ZDHHC14: variants seen among roughly 807,000 people sequenced by gnomAD.
The protein encoded by ZDHHC14 is palmitoyltransferase ZDHHC14.
In ZDHHC14, 16 loss-of-function variants were observed where a neutral mutation model predicts 47.7. The observed-to-expected ratio is 0.34, with a 90% CI of 0.23 to 0.51. ZDHHC14 has a LOEUF of 0.51. ZDHHC14 is among the 20% of genes least tolerant of loss of function. ZDHHC14 has a pLI of 0.97. For synonymous variants in ZDHHC14, 293 were observed against 278.9 expected (o/e 1.05, Z -0.50); for missense variants, 515 against 662.5 (o/e 0.78, Z 2.44).
At chr6:157,650,068 T>G (rs1317704630) in intron 7 of ZDHHC14, among the ~76,000 whole-genome samples, 141 of 98,906 alleles carry the variant, frequency 1.4e-3, no homozygotes, top group African/African-American at 2.6e-3. Flanking sequence ...CCAGGCGCTG[T>G]GGGTGCACGG....
chr6:157,446,155 G>A (rs1402105675), intron 1 of ZDHHC14, among the ~76,000 whole-genome samples: 1 of 151,982 alleles, frequency 6.6e-6, no homozygotes, highest in Non-Finnish European at 1.5e-5. Flanking sequence ...TATGTTAAGG[G>A]ACAATTGGCA....
chr6:157,494,155 A>C (rs1779999890), intron 1 of ZDHHC14, among the ~76,000 whole-genome samples: 1 of 152,196 alleles, frequency 6.6e-6, no homozygotes, highest in African/African-American at 2.4e-5. Flanking sequence ...AGCGGGTTGG[A>C]CTTGATCACC....
intron 1 of ZDHHC14, among the ~76,000 whole-genome samples, chr6:157,395,651 G>A (rs1450876741): frequency 6.6e-6 from 1 of 152,096 alleles, no homozygotes; most frequent in Non-Finnish European, 1.5e-5. Context: ...AAAATTAGCC[G>A]GACGTGGTGG....
chr6:157,568,005 A>C (rs2114852122), intron 2 of ZDHHC14, among the ~76,000 whole-genome samples: 1 of 152,288 alleles, frequency 6.6e-6, no homozygotes, highest in South Asian at 2.1e-4. Context: ...AGAGCTTCAG[A>C]GTGAAGTAAG....
intron 2 of ZDHHC14, among the ~76,000 whole-genome samples, chr6:157,576,272 G>T (rs1008854053): frequency 2.0e-5 from 3 of 152,314 alleles, no homozygotes; most frequent in Admixed American, 2.0e-4. Flanking sequence ...AGAAAAAGCT[G>T]CTGCAATATA....
rs144507379 is a variant in ZDHHC14 at position 157,493,641 on chromosome 6, A to G, written c.246-48944A>G. Among the ~76,000 whole-genome samples, 954 of 152,370 alleles carry G rather than the reference A, an allele frequency of 6.3e-3. 8 individuals carry two copies. The highest frequency in any genetic ancestry group is 0.022 in the African/African-American group (921 of 41,594). On this transcript the variant is annotated intron_variant, in intron 1 of 8. Transcript: ENST00000359775. The stretch of plus-strand genomic sequence containing the variant: ...TGACAGTGGGATGGACACCATCAGG[A>G]TGGGTGCTGTGTGGGCACAGCCCTG...
chr6:157,577,886 A>G (rs1305026138), intron 2 of ZDHHC14, among the ~76,000 whole-genome samples: 1 of 152,168 alleles, frequency 6.6e-6, no homozygotes, highest in Non-Finnish European at 1.5e-5. Flanking sequence ...AATAATAGCC[A>G]TTCTGCTGTG....
At chr6:157,477,772 T>C (rs1779528429) in intron 1 of ZDHHC14, among the ~76,000 whole-genome samples, 1 of 152,224 alleles carries the variant, frequency 6.6e-6, no homozygotes, top group Admixed American at 6.5e-5. Flanking sequence ...ACAGCCACAA[T>C]ATTTATTTAT....
intron 1 of ZDHHC14, among the ~76,000 whole-genome samples, chr6:157,508,322 C>T (rs762245190): frequency 1.3e-5 from 2 of 152,138 alleles, no homozygotes; most frequent in Non-Finnish European, 2.9e-5. Context: ...TTCTCTCTAT[C>T]TGAAACTTCT....
At chr6:157,667,960 G>A (rs1030614642) in intron 8 of ZDHHC14, among the ~76,000 whole-genome samples, 7 of 152,162 alleles carry the variant, frequency 4.6e-5, no homozygotes, top group Non-Finnish European at 8.8e-5. Context: ...CTCTGTCCAC[G>A]CCAGTGCTCT....
rs768063106 is a variant in ZDHHC14 at position 157,536,819 on chromosome 6, C to CTTTTTTTTTTTTTTTTTTTTT, written c.246-5749_246-5748insTTTTTTTTTTTTTTTTTTTTT. On this transcript the variant is annotated intron_variant, in intron 1 of 8. Transcript: ENST00000359775. ...TCTGTCTATCTATCCCTCCATCTAT[C>CTTTTTTTTTTTTTTTTTTTTT]TTTTTTTTTTTTTTTTTGAGACAGA... Among the ~76,000 whole-genome samples, 37 of 97,976 alleles carry CTTTTTTTTTTTTTTTTTTTTT rather than the reference C, an allele frequency of 3.8e-4. 9 individuals are homozygous for CTTTTTTTTTTTTTTTTTTTTT. Among genetic ancestry groups the CTTTTTTTTTTTTTTTTTTTTT allele is most frequent in the African/African-American group, 1.7e-3 (27 of 15,634 alleles). The allele number at this position is 97,976 out of a possible 152,430, so 64.3% of individuals were successfully genotyped here. A position where few individuals can be genotyped will look rare whatever the true frequency, so the allele number is the denominator to read the frequency against.
intron 1 of ZDHHC14, among the ~76,000 whole-genome samples, chr6:157,458,062 C>G (rs1778970798): frequency 6.6e-6 from 1 of 152,248 alleles, no homozygotes; most frequent in African/African-American, 2.4e-5. Context: ...ATCCCATACT[C>G]TCAGGCGGAT....
intron 1 of ZDHHC14, among the ~76,000 whole-genome samples, chr6:157,418,386 G>A (rs1301706572): frequency 3.9e-5 from 6 of 152,206 alleles, no homozygotes; most frequent in Admixed American, 3.9e-4. Flanking sequence ...ACTCCTACAG[G>A]CATGAACGAG....
intron 1 of ZDHHC14, among the ~76,000 whole-genome samples, chr6:157,490,469 G>A (rs566421296): frequency 9.9e-5 from 15 of 152,124 alleles, no homozygotes; most frequent in Non-Finnish European, 2.1e-4. Flanking sequence ...CTCTAATTAG[G>A]GAGGCAAGGT....
At chr6:157,655,259 G>A (rs780327347) in intron 8 of ZDHHC14, among the ~76,000 whole-genome samples, 5 of 152,176 alleles carry the variant, frequency 3.3e-5, no homozygotes, top group Admixed American at 6.5e-5. Context: ...TTCAGGGCGC[G>A]TGGTGGTCAG....
intron 1 of ZDHHC14, among the ~76,000 whole-genome samples, chr6:157,484,319 A>AGTGTG (rs1779714574): frequency 2.9e-5 from 2 of 70,164 alleles, no homozygotes; most frequent in Admixed American, 4.1e-4. Context: ...ATATATACAC[A>AGTGTG]TATATATACG....
At chr6:157,530,037 A>G (rs749306952) in intron 1 of ZDHHC14, among the ~76,000 whole-genome samples, 1 of 152,240 alleles carries the variant, frequency 6.6e-6, no homozygotes, top group Non-Finnish European at 1.5e-5. Flanking sequence ...ATGAAATGTT[A>G]TATGTGAAAC....
intron 5 of ZDHHC14, among the ~76,000 whole-genome samples, chr6:157,640,240 G>A (rs886949870): frequency 1.3e-5 from 2 of 152,212 alleles, no homozygotes; most frequent in African/African-American, 4.8e-5. Context: ...ATGACTTATT[G>A]TTCAGCTCTC....
chr6:157,530,897 TAA>T (rs538397957), intron 1 of ZDHHC14, among the ~76,000 whole-genome samples: 2 of 150,576 alleles, frequency 1.3e-5, no homozygotes, highest in South Asian at 4.2e-4. Context: ...ACGGATATGT[TAA>T]AAAAAAAATC....
Sources: gnomAD v4.1 joint callset for allele counts (sites outside exome capture counted in the v4.1 genomes callset) on GRCh38, gnomAD v4.1.1 for gene constraint, MANE v1.5 for transcripts, NCBI Gene and HGNC (gene_info 2026-07-23, HGNC 2026-07-21) for gene names.